ADAMTS7: variants seen among roughly 807,000 people sequenced by gnomAD.
The protein encoded by ADAMTS7 is ADAM metallopeptidase with thrombospondin type 1 motif 7.
Under a neutral mutation model 172.6 loss-of-function variants are expected in ADAMTS7, and 89 were observed. The ratio of observed to expected loss-of-function variants is 0.52; its 90% CI spans 0.43 to 0.61. The LOEUF (loss-of-function observed/expected upper bound fraction) is 0.61, where lower values mean the gene tolerates loss of function less well. Among genes scored for constraint, ADAMTS7 ranks in the 20% least tolerant of loss-of-function variants. ADAMTS7 has a pLI of 0.00. For missense variants in ADAMTS7, 1,973 were observed against 2,355.6 expected, an observed-to-expected ratio of 0.84 and a Z score of 3.36; for synonymous variants, 885 against 978.4, an observed-to-expected ratio of 0.90 and a Z score of 1.78.
intron 1 of ADAMTS7, among the ~76,000 whole-genome samples, chr15:78,801,063 A>G (rs891231167): frequency 1.8e-4 from 28 of 152,134 alleles, no homozygotes; most frequent in Admixed American, 1.7e-3. Context: ...GTAACTTCTT[A>G]ACAGGTCTCT....
chr15:78,796,683 CT>C lies in ADAMTS7; in HGVS notation c.725del (p.Lys242SerfsTer7). 2 of 1,614,068 alleles carry C rather than the reference CT, an allele frequency of 1.2e-6. No homozygotes were observed. The highest frequency in any genetic ancestry group is 1.7e-6 in the Non-Finnish European group (2 of 1,180,014). ...CAGCTACTACCAGGGTCTCCACCCA[CT>C]TCTCTTTGCTGACCGACCGCTGGTG... Reference protein sequence around the residue: ...RLHQRSVSKEKWVETLVVADA... With the variant: ...RLHQRSVSKEXWVETLVVADA... On this transcript the variant is annotated frameshift_variant, in exon 4 of 24. Coordinates refer to ENST00000388820, the MANE Select transcript of ADAMTS7 (RefSeq NM_014272.5). LOFTEE classifies it high-confidence loss of function.
intron 23 of ADAMTS7, among the ~76,000 whole-genome samples, chr15:78,760,365 G>A (rs574136567): frequency 1.9e-4 from 29 of 152,264 alleles, no homozygotes; most frequent in East Asian, 3.9e-4. Flanking sequence ...GCTGCCACCC[G>A]GGCCCTGCTT....
In ADAMTS7 at chr15:78,789,685, G is replaced by C; in HGVS notation, c.1178+4C>G. On this transcript the variant is annotated splice_donor_region_variant and intron_variant, in intron 7 of 23. Coordinates refer to ENST00000388820, the MANE Select transcript of ADAMTS7 (RefSeq NM_014272.5). ...CAGTGTAGCAATGGGGGCAGGCACA[G>C]TACCTGTGCCCGAGCTCGTGGGCTA... The C allele has an allele frequency of 6.2e-7, 1 of 1,613,728 alleles. No homozygotes were observed. Among genetic ancestry groups the C allele is most frequent in the Non-Finnish European group, 8.5e-7 (1 of 1,179,962 alleles).
chr15:78,805,220 T>C (rs1438785719), intron 1 of ADAMTS7, among the ~76,000 whole-genome samples: 3 of 152,254 alleles, frequency 2.0e-5, no homozygotes. Context: ...TAAGGGCATA[T>C]GGGACTACAA....
At chr15:78,804,832 TA>T (rs201420119) in intron 1 of ADAMTS7, among the ~76,000 whole-genome samples, 1 of 151,742 alleles carries the variant, frequency 6.6e-6, no homozygotes, top group African/African-American at 2.4e-5. Flanking sequence ...ATGAATTTCT[TA>T]AAAAAAAATT....
Position 78,771,925 on chromosome 15 carries a change from T to A in ADAMTS7, c.2132-96A>T. 8 of 1,502,730 alleles carry A rather than the reference T, an allele frequency of 5.3e-6. No individual in the cohort carries two copies. In the South Asian group the frequency reaches 9.0e-5, roughly 17 times the overall value. The allele number at this position is 1,502,730 out of a possible 1,614,324, so 93.1% of individuals were successfully genotyped here. A position where few individuals can be genotyped will look rare whatever the true frequency, so the allele number is the denominator to read the frequency against. On this transcript the variant is annotated intron_variant, in intron 14 of 23. Transcript: ENST00000388820. The surrounding 1 kb of genome is among the most constrained non-coding windows in gnomAD (Gnocchi z 4.9). ...ATGTCTCTCCCCACTTGCCTCCGCC[T>A]GCTGATGCCAAAGCTTTAAAGTCTG...
intron 11 of ADAMTS7, 95 bp from the exon 12 acceptor site, chr15:78,774,888 C>T: frequency 1.4e-6 from 2 of 1,426,938 alleles, no homozygotes; most frequent in Non-Finnish European, 1.9e-6. Flanking sequence ...TGCATCCACA[C>T]CCCGAGATCC....
chr15:78,763,587 G>A, intron 22 of ADAMTS7, 112 bp downstream of exon 22: 2 of 1,360,440 alleles, frequency 1.5e-6, no homozygotes, highest in Non-Finnish European at 1.9e-6. Flanking sequence ...CAGTGACAGG[G>A]CCACAAAGAG....
At chr15:78,777,041 C>T (rs1184094001) in intron 9 of ADAMTS7, 200 bp from the exon 10 acceptor site, 10 of 594,610 alleles carry the variant, frequency 1.7e-5, no homozygotes, top group South Asian at 4.1e-5. Flanking sequence ...CCCGGGGCTG[C>T]GCTGCTCAGA....
In ADAMTS7 at chr15:78,774,676, G is replaced by A. The variant is rs376682887; in HGVS notation, c.1824C>T (p.Asp608=). ...SFRHVQCSHF[D]AMLYKGQLHT... Reference sequence around the variant, plus strand: ...GCAGCTGGCCCTTGTAGAGCATAGCGTCAAAGTGGCTGCACTGGACGTGGC... The same window carrying A: ...GCAGCTGGCCCTTGTAGAGCATAGCATCAAAGTGGCTGCACTGGACGTGGC... The change falls in exon 12 of 24, where the codon GAC becomes GAT. Residue 608 remains aspartate (D), a synonymous_variant. Coordinates refer to ENST00000388820, the MANE Select transcript of ADAMTS7 (RefSeq NM_014272.5). The A allele has an allele frequency of 3.2e-5, 52 of 1,611,664 alleles. No homozygotes were observed. The East Asian group carries it at 3.3e-4, about 10-fold the overall frequency.
intron 8 of ADAMTS7, among the ~76,000 whole-genome samples, chr15:78,787,347 G>GAAAA (rs758238548): frequency 1.7e-4 from 18 of 106,462 alleles, no homozygotes; most frequent in South Asian, 3.3e-4. Context: ...TAGCAAATTT[G>GAAAA]AAAAAAAAAA....
intron 10 of ADAMTS7, 127 bp downstream of exon 10, chr15:78,776,622 G>T: frequency 9.7e-7 from 1 of 1,034,082 alleles, no homozygotes; most frequent in Middle Eastern, 2.7e-4. Context: ...GGCTTGGGCT[G>T]CAGAGAGCGT....
In ADAMTS7 at chr15:78,771,555, C is replaced by G; in HGVS notation, c.2376+30G>C. The G allele has an allele frequency of 6.3e-7, 1 of 1,575,202 alleles. No homozygotes were observed. The highest frequency in any genetic ancestry group is 8.6e-7 in the Non-Finnish European group (1 of 1,166,142). ...TGGGCCTGGGGACTCCGCCTCTGCT[C>G]CCCCCGCCTGGGCCACGGGAGGCAG... On this transcript the variant is annotated intron_variant, in intron 15 of 23. Transcript: ENST00000388820. This position sits in a 1 kb window ranked among gnomAD's most constrained non-coding sequence, Gnocchi z 4.9.
chr15:78,810,128 A>G (rs1487517411), intron 1 of ADAMTS7, among the ~76,000 whole-genome samples: 2 of 151,962 alleles, frequency 1.3e-5, no homozygotes, highest in East Asian at 3.9e-4. Context: ...CCAGCAAGCA[A>G]CCCTAATCCA....
chr15:78,767,462 G>A lies in ADAMTS7; in HGVS notation c.2776C>T (p.His926Tyr). 10 of 1,611,774 alleles carry A rather than the reference G, an allele frequency of 6.2e-6. No homozygotes were observed. The highest frequency in any genetic ancestry group is 8.5e-6 in the Non-Finnish European group (10 of 1,179,790). Reference protein sequence around the residue: ...QSALEPPACEHLPRPPTETPC... With the variant: ...QSALEPPACEYLPRPPTETPC... ...GTTTCAGTAGGGGGCCGGGGAAGGT[G>A]TTCACAGGCGGGTGGCTCCAGGGCG... The change falls in exon 18 of 24, where the codon CAC becomes TAC. Residue 926 changes from histidine to tyrosine, a missense_variant. This residue lies in a region of ADAMTS7 where 771 missense variants were observed against 952.6 expected (regional missense o/e 0.81). Transcript: ENST00000388820.
chr15:78,765,511 C>T (rs2055124572), intron 19 of ADAMTS7, 134 bp downstream of exon 19: 1 of 1,447,728 alleles, frequency 6.9e-7, no homozygotes, highest in East Asian at 2.3e-5. Flanking sequence ...CCTCATCCCC[C>T]TAATCCTGGG....
In ADAMTS7 at chr15:78,790,664, C is replaced by A; in HGVS notation, c.1028+6G>T. On this transcript the variant is annotated splice_donor_region_variant and intron_variant, in intron 6 of 23. Coordinates refer to ENST00000388820, the MANE Select transcript of ADAMTS7 (RefSeq NM_014272.5). The stretch of plus-strand genomic sequence containing the variant: ...GCAGGCTCCCACCCTCCTGCGGCTG[C>A]AGTACCTGGTGAGCAGGATGGCAGT... The A allele has an allele frequency of 6.2e-7, 1 of 1,613,348 alleles. No homozygotes were observed. The highest frequency in any genetic ancestry group is 1.3e-5 in the African/African-American group (1 of 75,024).
Position 78,759,503 on chromosome 15 carries a change from A to G in ADAMTS7, c.4979T>C (p.Ile1660Thr). 6.3e-7 allele frequency: 1 copy of G among 1,597,818 alleles called. No individual in the cohort carries two copies. ...GCACGAGCGGCAGCACTGGGTGCGG[A>G]TGGTGGGCAGCTGGCAGCGGCCCAG... ...RLLGRCQLPT[I>T]RTQCCRSCSP... The change falls in exon 24 of 24, where the codon ATC becomes ACC. Residue 1660 changes from isoleucine to threonine, a missense_variant. Ile to Thr is a moderately conservative substitution (Grantham distance 89). Transcript: ENST00000388820.
chr15:78,783,342 T>C (rs1285018261), intron 8 of ADAMTS7, among the ~76,000 whole-genome samples: 2 of 152,202 alleles, frequency 1.3e-5, no homozygotes, highest in East Asian at 3.8e-4. Context: ...CAATCTCAGT[T>C]CACTGCAGCC....
Sources: allele counts gnomAD v4.1 joint callset (sites outside exome capture counted in the v4.1 genomes callset), GRCh38; gene constraint gnomAD v4.1.1; regional missense constraint gnomAD v4.1.1; non-coding constraint Gnocchi (gnomAD v3.1); transcripts MANE v1.5; gene names NCBI Gene and HGNC (gene_info 2026-07-23, HGNC 2026-07-21).